PPIE: variants seen among roughly 807,000 people sequenced by gnomAD.
The protein encoded by PPIE is peptidyl-prolyl cis-trans isomerase E.
Under a neutral mutation model 38.4 loss-of-function variants are expected in PPIE, and 20 were observed. The observed-to-expected ratio is 0.52, with a 90% confidence interval of 0.37 to 0.76. The LOEUF is 0.76. Among genes scored for constraint, PPIE ranks in the 30% least tolerant of loss-of-function variants. PPIE has a pLI of 0.00. For synonymous variants in PPIE, 142 were observed against 135.7 expected (o/e 1.05, Z -0.32); for missense variants, 322 against 385.8 (o/e 0.83, Z 1.39).
intron 4 of PPIE, chr1:39,742,961 A>AT (rs1186849731): frequency 6.2e-6 from 2 of 320,128 alleles, no homozygotes; most frequent in Non-Finnish European, 1.1e-5. Flanking sequence ...AACTGCATTT[A>AT]TTTTTGTAAT....
At chr1:39,760,242 G>C, downstream of PPIE, 1 of 1,083,610 alleles carries the variant, frequency 9.2e-7, no homozygotes, top group Non-Finnish European at 1.3e-6. Flanking sequence ...CAAATGCCTG[G>C]CAGGGCAAGG....
chr1:39,754,937 GACAC>G lies in PPIE; in HGVS notation c.*1586_*1589del, dbSNP rs1345270883. On this transcript the variant is annotated 3_prime_UTR_variant, in exon 10 of 10. Coordinates refer to ENST00000324379, the MANE Select transcript of PPIE (RefSeq NM_006112.4). ...CTGGATACCATGGCCTAGCCAAATT[GACAC>G]ACAAAATAGACCATCACAGTCCCAA... is the stretch of plus-strand genomic sequence containing the variant. 7 of 899,538 alleles carry G rather than the reference GACAC, an allele frequency of 7.8e-6. No homozygotes were observed. The South Asian group carries it at 1.5e-4, about 20-fold the overall frequency. 55.7% of individuals were successfully genotyped at this position (899,538 alleles called of 1,614,324 possible).
chr1:39,741,384 C>G lies in PPIE; in HGVS notation c.149C>G (p.Ala50Gly), dbSNP rs780622775. Residue 50 changes from alanine to glycine, a missense_variant, in exon 3 of 10, where the codon GCT becomes GGT. By Grantham distance (60) the Ala-to-Gly change is moderately conservative. Transcript: ENST00000324379. ...DYETEKHRGF[A>G]FVEFELAEDA... is the part of the protein sequence containing the mutation. ...TTTGTAGAAAAGCACCGAGGATTTG[C>G]TTTTGTTGAATTTGAGTTGGCAGAG... is the stretch of plus-strand genomic sequence containing the variant. 5.0e-6 allele frequency: 8 copies of G among 1,613,894 alleles called. No individual in the cohort carries two copies.
intron 1 of PPIE, chr1:39,739,345 T>C (rs541111595): frequency 1.5e-4 from 27 of 180,892 alleles, no homozygotes; most frequent in Non-Finnish European, 3.0e-4. Flanking sequence ...CCCGCTGAGC[T>C]CCAGCGGGCC....
chr1:39,757,525 C>G (rs1011833415), downstream of PPIE: 19 of 152,280 alleles, frequency 1.2e-4, no homozygotes, highest in African/African-American at 4.6e-4. Flanking sequence ...GACTTGGCCT[C>G]AAGGCCAGTA....
intron 9 of PPIE, among the ~76,000 whole-genome samples, chr1:39,762,813 G>A (rs1488119387): frequency 6.6e-6 from 1 of 152,266 alleles, no homozygotes; most frequent in Non-Finnish European, 1.5e-5. Context: ...ACACAGGTGC[G>A]TAAGTGTCCC....
intron 4 of PPIE, 58 bp downstream of exon 4, chr1:39,741,979 T>A: frequency 6.3e-7 from 1 of 1,576,566 alleles, no homozygotes; most frequent in Non-Finnish European, 8.7e-7. Context: ...CAGAGGCTCC[T>A]TATTCATATA....
chr1:39,756,066 T>A lies in PPIE; in HGVS notation c.*2711T>A, dbSNP rs185107630. ...GACACAGGAGACAAGACCCTGCTCT[T>A]CCAGGCCAGAAGGGAGGGGAGCCCC... On this transcript the variant is annotated 3_prime_UTR_variant, in exon 10 of 10. Coordinates refer to ENST00000324379, the MANE Select transcript of PPIE (RefSeq NM_006112.4). 1 of 985,384 alleles carries A rather than the reference T, an allele frequency of 1.0e-6. No individual in the cohort carries two copies. The highest frequency in any genetic ancestry group is 1.2e-6 in the Non-Finnish European group (1 of 829,920). The allele number at this position is 985,384 out of a possible 1,614,324, so 61.0% of individuals were successfully genotyped here. A position where few individuals can be genotyped will look rare whatever the true frequency, so the allele number is the denominator to read the frequency against.
rs199629021 is a variant in PPIE, at chr1:39,741,856, C to T, written c.175-39C>T. On this transcript the variant is annotated intron_variant, in intron 3 of 9. Transcript: ENST00000324379. ...TTTAGACACCATAAGAAGCATTTGG[C>T]TGCAAGCCTAAACTTGTACCTTTGT... The T allele has an allele frequency of 4.6e-4, 735 of 1,613,764 alleles. 1 individual carries two copies. The highest frequency in any genetic ancestry group is 5.8e-4 in the Non-Finnish European group (686 of 1,179,644).
rs1355657463 is a variant in PPIE, at chr1:39,743,232, T to C, written c.218T>C (p.Phe73Ser). The C allele has an allele frequency of 1.2e-6, 2 of 1,614,074 alleles. No individual in the cohort carries two copies. Among genetic ancestry groups the C allele is most frequent in the African/African-American group, 2.7e-5 (2 of 74,942 alleles). ...TCTTTTCAGAATGAATCTGAGCTTT[T>C]TGGACGTACAATTCGTGTCAATTTG... ...AIDNMNESELFGRTIRVNLAK... is the reference protein window; with the variant it reads ...AIDNMNESELSGRTIRVNLAK... The change falls in exon 5 of 10, where the codon TTT (phenylalanine) becomes TCT (serine). Residue 73 changes from phenylalanine (F) to serine (S), a missense_variant. Coordinates refer to ENST00000324379, the MANE Select transcript of PPIE (RefSeq NM_006112.4).
chr1:39,745,500 T>C lies in PPIE; in HGVS notation c.508+2T>C. 1 of 1,614,198 alleles carries C rather than the reference T, an allele frequency of 6.2e-7. No homozygotes were observed. The highest frequency in any genetic ancestry group is 8.5e-7 in the Non-Finnish European group (1 of 1,180,030). On this transcript the variant is annotated splice_donor_variant, in intron 7 of 9. Transcript: ENST00000324379. LOFTEE classifies it high-confidence loss of function. ...CTGATGTCGTGCCCATGACAGCAGGTGAGCAGGACGCTGTGGTCAGAACGG... is the reference window on the plus strand; with the variant it reads ...CTGATGTCGTGCCCATGACAGCAGGCGAGCAGGACGCTGTGGTCAGAACGG...
intron 4 of PPIE, chr1:39,742,490 CT>C (rs5773671): frequency 0.029 from 3,153 of 107,198 alleles, 129 homozygotes; most frequent in African/African-American, 0.11. Flanking sequence ...TTCTTTCTTT[CT>C]TTTTTTTTTT....
chr1:39,762,778 C>A, intron 9 of PPIE: 1 of 1,323,788 alleles, frequency 7.6e-7, no homozygotes, highest in Non-Finnish European at 1.0e-6. Flanking sequence ...ACATCTGTTT[C>A]ATGTGCTGTG....
intron 9 of PPIE, chr1:39,762,495 A>T: frequency 6.5e-7 from 1 of 1,545,616 alleles, no homozygotes; most frequent in Non-Finnish European, 8.7e-7. Flanking sequence ...ATCCCATCAG[A>T]AACCTGCTTT....
chr1:39,759,438 C>T (rs373633076), downstream of PPIE: 6 of 152,370 alleles, frequency 3.9e-5, no homozygotes, highest in Middle Eastern at 3.4e-3. Context: ...CCAGGTTTCA[C>T]TTTACATCAT....
At chr1:39,762,989 C>G (rs968494635) in intron 9 of PPIE, 27 of 1,390,066 alleles carry the variant, frequency 1.9e-5, no homozygotes, top group Non-Finnish European at 2.7e-5. Context: ...CCCCCTGAGA[C>G]GCGGAGCAGG....
In PPIE at chr1:39,738,906, C is replaced by A. The variant is rs143737106; in HGVS notation, c.6C>A (p.Ala2=). The change falls in exon 1 of 10, where the codon GCC becomes GCA. Residue 2 remains alanine, a synonymous_variant. Coordinates refer to ENST00000324379, the MANE Select transcript of PPIE (RefSeq NM_006112.4). Reference sequence around the variant, plus strand: ...CGGAAAAGCGCGCGAGCAAGATGGCCACCACCAAGCGCGTCTTGTACGTGG... The same window carrying A: ...CGGAAAAGCGCGCGAGCAAGATGGCAACCACCAAGCGCGTCTTGTACGTGG... The part of the protein sequence containing the change: M[A]TTKRVLYVGG... 6 of 1,508,152 alleles carry A rather than the reference C, an allele frequency of 4.0e-6. No homozygotes were observed. Among genetic ancestry groups the A allele is most frequent in the Non-Finnish European group, 5.3e-6 (6 of 1,130,396 alleles). 93.4% of individuals were successfully genotyped at this position (1,508,152 alleles called of 1,614,324 possible).
intron 7 of PPIE, chr1:39,745,980 C>A (rs1283624238): frequency 6.5e-6 from 1 of 154,564 alleles, no homozygotes; most frequent in African/African-American, 2.4e-5. Context: ...AACAGTCGTC[C>A]CCTGGTGCTG....
chr1:39,748,172 G>A (rs972973690), intron 7 of PPIE: 2 of 152,172 alleles, frequency 1.3e-5, no homozygotes, highest in Admixed American at 1.3e-4. Context: ...GCATTCTCCT[G>A]TTCTGTGGGT....
Sources: allele counts gnomAD v4.1 joint callset (sites outside exome capture counted in the v4.1 genomes callset), GRCh38; gene constraint gnomAD v4.1.1; transcripts MANE v1.5; gene names NCBI Gene and HGNC (gene_info 2026-07-23, HGNC 2026-07-21).